ADAMTS13: variants seen among roughly 807,000 people sequenced by gnomAD.
The protein encoded by ADAMTS13 is ADAM metallopeptidase with thrombospondin type 1 motif 13.
A neutral mutation model predicts 155.1 loss-of-function variants in ADAMTS13; 110 were observed. The ratio of observed to expected loss-of-function variants is 0.71; its 90% CI spans 0.61 to 0.83. ADAMTS13 has a LOEUF of 0.83. ADAMTS13 is among the 40% of genes least tolerant of loss of function. The pLI is 0.00. For synonymous variants in ADAMTS13, 758 were observed against 756.4 expected (o/e 1.00, Z -0.03); for missense variants, 1,707 against 1,891.7 (o/e 0.90, Z 1.81).
intron 24 of ADAMTS13, among the ~76,000 whole-genome samples, chr9:133,455,058 C>G (rs941032572): frequency 2.6e-5 from 4 of 152,118 alleles, no homozygotes; most frequent in Non-Finnish European, 5.9e-5. Flanking sequence ...ACAGAGAGGC[C>G]GTGAGGGTGA....
intron 1 of ADAMTS13, chr9:133,415,081 AC>A: frequency 7.8e-7 from 1 of 1,285,242 alleles, no homozygotes; most frequent in South Asian, 1.4e-5. Context: ...GAAAAAACTT[AC>A]GTGTGTATGT....
chr9:133,433,609 C>A (rs739469), intron 10 of ADAMTS13, 32 bp from the exon 11 acceptor site: 2 of 1,613,644 alleles, frequency 1.2e-6, no homozygotes, highest in South Asian at 1.1e-5. Flanking sequence ...TCACCCTGCT[C>A]TCTCACCCTC....
At position 133,456,412 on chromosome 9, in the gene ADAMTS13, C is replaced by G; in HGVS notation, c.3548-131C>G. 3 of 1,387,926 alleles carry G rather than the reference C, an allele frequency of 2.2e-6. No individual in the cohort carries two copies. Among genetic ancestry groups the G allele is most frequent in the Non-Finnish European group, 3.0e-6 (3 of 1,009,692 alleles). 86.0% of individuals were successfully genotyped at this position (1,387,926 alleles called of 1,614,324 possible). On this transcript the variant is annotated intron_variant, in intron 26 of 28. Coordinates refer to ENST00000355699, the MANE Select transcript of ADAMTS13 (RefSeq NM_139027.6). This position sits in a 1 kb window ranked among gnomAD's most constrained non-coding sequence, Gnocchi z 4.4. Reference sequence around the variant, plus strand: ...GGCTAGGAGAGATTAAGTGATGTGCCCAGTTACTTAGAGTCACATAGCCAG... The same window carrying G: ...GGCTAGGAGAGATTAAGTGATGTGCGCAGTTACTTAGAGTCACATAGCCAG...
At position 133,430,854 on chromosome 9, in the gene ADAMTS13, G is replaced by A. The variant is rs587709078; in HGVS notation, c.987+753G>A. ...TTTTTGTATTTTTAGTAGAGACGGG[G>A]TTTCACTGTGTTAGCCAGGATGGTC... On this transcript the variant is annotated intron_variant, in intron 8 of 28. Transcript: ENST00000355699. 1.5e-3 allele frequency among the ~76,000 whole-genome samples: 221 copies of A among 151,990 alleles called. 1 individual carries two copies. Among genetic ancestry groups the A allele is most frequent in the Non-Finnish European group, 1.4e-3 (97 of 67,962 alleles).
chr9:133,456,163 C>T lies in ADAMTS13; in HGVS notation c.3495C>T (p.Leu1165=), dbSNP rs144916851. The T allele has an allele frequency of 3.1e-4, 503 of 1,613,526 alleles. 2 individuals carry two copies. Among genetic ancestry groups the T allele is most frequent in the South Asian group, 1.8e-3 (163 of 91,090 alleles). The change falls in exon 26 of 29, where the codon CTC becomes CTT. Residue 1165 remains leucine, a synonymous_variant. Transcript: ENST00000355699. The surrounding 1 kb of genome is among the most constrained non-coding windows in gnomAD (Gnocchi z 4.4). ...ADCAVAIGRP[L]GEVVTLRVLE... The stretch of plus-strand genomic sequence containing the variant: ...GTGCAGTGGCCATTGGGCGGCCCCT[C>T]GGGGAGGTGGTGACCCTCCGCGTCC...
chr9:133,448,800 C>T (rs147247007), intron 22 of ADAMTS13, 72 bp downstream of exon 22: 2 of 1,562,186 alleles, frequency 1.3e-6, no homozygotes, highest in Non-Finnish European at 1.7e-6. Context: ...TGGCTCCATG[C>T]CCGGTGACCT....
intron 8 of ADAMTS13, among the ~76,000 whole-genome samples, chr9:133,432,238 C>T (rs1157034093): frequency 1.3e-5 from 2 of 152,058 alleles, no homozygotes; most frequent in African/African-American, 2.4e-5. Flanking sequence ...GCCCTCCAGC[C>T]TGGGCAACAA....
rs1842934544 is a variant in ADAMTS13, at chr9:133,459,064, T to C, written c.4000T>C (p.Phe1334Leu). Residue 1334 changes from phenylalanine (F) to leucine (L), a missense_variant, in exon 29 of 29, where the codon TTC becomes CTC. Phe to Leu is a conservative substitution (Grantham distance 22). Coordinates refer to ENST00000355699, the MANE Select transcript of ADAMTS13 (RefSeq NM_139027.6). ...AGAGAGCAGCCAGGCTGAGATGGAG[T>C]TCAGCGAGGGCTTCCTGAAGGCTCA... is the stretch of plus-strand genomic sequence containing the variant. ...ESESSQAEME[F>L]SEGFLKAQAS... The C allele has an allele frequency of 6.2e-7, 1 of 1,612,722 alleles. No homozygotes were observed.
chr9:133,458,353 C>T (rs894430946), intron 28 of ADAMTS13, among the ~76,000 whole-genome samples: 2 of 151,990 alleles, frequency 1.3e-5, no homozygotes, highest in African/African-American at 2.4e-5. Context: ...GTCAGGAGTT[C>T]GAGACCAGCC....
In ADAMTS13 at chr9:133,433,689, G is replaced by C. The variant is rs782224267; in HGVS notation, c.1293G>C (p.Glu431Asp). Residue 431 changes from glutamate to aspartate, a missense_variant, in exon 11 of 29, where the codon GAG becomes GAC. Glu to Asp is a conservative substitution (Grantham distance 45). Around this residue, in one of 3 missense-constraint regions of ADAMTS13, gnomAD observed 733 missense variants for 749.6 expected, o/e 0.98. Transcript: ENST00000355699. Reference protein sequence around the residue: ...RACVGADLQAEMCNTQACEKT... With the variant: ...RACVGADLQADMCNTQACEKT... Reference sequence around the variant, plus strand: ...GTGTTGGTGCTGACCTCCAGGCCGAGATGTGCAACACTCAGGTAGGCCTGC... The same window carrying C: ...GTGTTGGTGCTGACCTCCAGGCCGACATGTGCAACACTCAGGTAGGCCTGC... 6.2e-7 allele frequency: 1 copy of C among 1,613,682 alleles called. No individual in the cohort carries two copies. Among genetic ancestry groups the C allele is most frequent in the Non-Finnish European group, 8.5e-7 (1 of 1,179,992 alleles).
chr9:133,449,207 A>G (rs973335807), intron 22 of ADAMTS13, among the ~76,000 whole-genome samples: 1 of 152,184 alleles, frequency 6.6e-6, no homozygotes, highest in Non-Finnish European at 1.5e-5. Context: ...CTGTGGGTGC[A>G]CATGGTTGCT....
rs782223061 is a variant in ADAMTS13 at position 133,445,789 on chromosome 9, G to T, written c.2701G>T (p.Ala901Ser). 13 of 1,595,878 alleles carry T rather than the reference G, an allele frequency of 8.1e-6. No homozygotes were observed. Among genetic ancestry groups the T allele is most frequent in the Admixed American group, 6.7e-5 (4 of 59,384 alleles). The change falls in exon 21 of 29, where the codon GCA (alanine) becomes TCA (serine). Residue 901 changes from alanine (A) to serine (S), a missense_variant. This residue lies in a region of ADAMTS13 where 961 missense variants were observed against 1,107.9 expected (regional missense o/e 0.87). Coordinates refer to ENST00000355699, the MANE Select transcript of ADAMTS13 (RefSeq NM_139027.6). The surrounding 1 kb of genome is among the most constrained non-coding windows in gnomAD (Gnocchi z 5.0). ...AQAAHVWTPA[A>S]GSCSVSCGRG... ...AGCTGCACACGTGTGGACCCCTGCG[G>T]CAGGGTCGTGCTCCGTCTCCTGCGG...
At position 133,456,681 on chromosome 9, in the gene ADAMTS13, G is replaced by A. The variant is rs781918148; in HGVS notation, c.3686G>A (p.Arg1229Gln). ...CGGCCAGGAGGTGGGGTGCTGCTGCGGTATGGGAGCCAGCTTGCTCCTGAA... is the reference window on the plus strand; with the variant it reads ...CGGCCAGGAGGTGGGGTGCTGCTGCAGTATGGGAGCCAGCTTGCTCCTGAA... The part of the protein sequence containing the change: ...CGRPGGGVLL[R>Q]YGSQLAPETF... Residue 1229 changes from arginine to glutamine, a missense_variant, in exon 27 of 29, where the codon CGG (arginine) becomes CAG (glutamine). By Grantham distance (43) the Arg-to-Gln change is conservative. Transcript: ENST00000355699. The surrounding 1 kb of genome is among the most constrained non-coding windows in gnomAD (Gnocchi z 4.4). 4 of 1,588,402 alleles carry A rather than the reference G, an allele frequency of 2.5e-6. No homozygotes were observed. The highest frequency in any genetic ancestry group is 2.3e-5 in the East Asian group (1 of 43,922).
intron 13 of ADAMTS13, 89 bp downstream of exon 13, chr9:133,437,986 G>C (rs1003700270): frequency 1.9e-6 from 3 of 1,598,022 alleles, no homozygotes; most frequent in African/African-American, 2.7e-5. Flanking sequence ...TGCTGGCCCT[G>C]ATGGAGCTGC....
chr9:133,416,115 T>C (rs1839583013), intron 1 of ADAMTS13, among the ~76,000 whole-genome samples: 1 of 152,244 alleles, frequency 6.6e-6, no homozygotes, highest in Non-Finnish European at 1.5e-5. Context: ...TGCCAGCATC[T>C]GCTTCTGGTG....
Position 133,428,662 on chromosome 9 carries a change from G to A in ADAMTS13, c.715G>A (p.Gly239Ser), listed in dbSNP as rs1554785883. 7.5e-7 allele frequency: 1 copy of A among 1,326,580 alleles called. No individual in the cohort carries two copies. Among genetic ancestry groups the A allele is most frequent in the South Asian group, 1.7e-5 (1 of 58,338 alleles). The allele number at this position is 1,326,580 out of a possible 1,614,324, so 82.2% of individuals were successfully genotyped here. Residue 239 changes from glycine (G) to serine (S), a missense_variant, in exon 7 of 29, where the codon GGC (glycine) becomes AGC (serine). Around this residue, in one of 3 missense-constraint regions of ADAMTS13, gnomAD observed 733 missense variants for 749.6 expected, o/e 0.98. Coordinates refer to ENST00000355699, the MANE Select transcript of ADAMTS13 (RefSeq NM_139027.6). ...CGGCCTGGAGCACGACGGCGCGCCC[G>A]GCAGCGGCTGCGGCCCCAGCGGACA... is the stretch of plus-strand genomic sequence containing the variant. Reference protein sequence around the residue: ...SFGLEHDGAPGSGCGPSGHVM... With the variant: ...SFGLEHDGAPSSGCGPSGHVM...
At chr9:133,435,860 C>T (rs587766492) in intron 11 of ADAMTS13, among the ~76,000 whole-genome samples, 4 of 152,134 alleles carry the variant, frequency 2.6e-5, no homozygotes, top group South Asian at 2.1e-4. Context: ...ACTGCCAAAC[C>T]GTTTTCCACA....
chr9:133,444,609 T>A (rs1369996763), intron 19 of ADAMTS13, among the ~76,000 whole-genome samples: 1 of 152,216 alleles, frequency 6.6e-6, no homozygotes, highest in Admixed American at 6.5e-5. Flanking sequence ...AGGTTCTGTC[T>A]CTGCACCCTG....
chr9:133,457,077 C>T, intron 27 of ADAMTS13: 1 of 399,422 alleles, frequency 2.5e-6, no homozygotes, highest in Non-Finnish European at 4.8e-6. Flanking sequence ...GTCCCTCAGC[C>T]CTGTTTCAGT....
Sources: gnomAD v4.1 joint callset for allele counts (sites outside exome capture counted in the v4.1 genomes callset) on GRCh38, gnomAD v4.1.1 for gene constraint, gnomAD v4.1.1 regional missense constraint, Gnocchi (gnomAD v3.1) non-coding constraint, MANE v1.5 for transcripts, NCBI Gene and HGNC (gene_info 2026-07-23, HGNC 2026-07-21) for gene names.